DPF3: variants seen among roughly 807,000 people sequenced by gnomAD.
DPF3 encodes the protein double PHD fingers 3.
A neutral mutation model predicts 56.8 loss-of-function variants in DPF3; 18 were observed. That is an observed-to-expected ratio of 0.32 (90% confidence interval 0.22 to 0.47). DPF3 has a LOEUF of 0.47. Ranked by LOEUF, DPF3 falls within the 20% of genes least tolerant of loss-of-function variation. The pLI, the probability that DPF3 is intolerant of heterozygous loss-of-function variation, is 1.00. For missense variants in DPF3, 403 were observed against 488.8 expected, an observed-to-expected ratio of 0.82 and a Z score of 1.65; for synonymous variants, 188 against 180.2, an observed-to-expected ratio of 1.04 and a Z score of -0.35.
At chr14:72,792,307 G>A (rs773152934) in intron 1 of DPF3, among the ~76,000 whole-genome samples, 8 of 152,190 alleles carry the variant, frequency 5.3e-5, no homozygotes, top group Admixed American at 2.6e-4. Flanking sequence ...ACCTGGAGCC[G>A]ACTGTGCTTC....
chr14:72,830,087 G>A (rs138178668), intron 1 of DPF3, among the ~76,000 whole-genome samples: 13 of 152,290 alleles, frequency 8.5e-5, no homozygotes, highest in African/African-American at 2.2e-4. Context: ...AAATTGGAGC[G>A]TTCAATGTGG....
intron 1 of DPF3, among the ~76,000 whole-genome samples, chr14:72,800,652 G>A (rs761646163): frequency 6.6e-6 from 1 of 151,908 alleles, no homozygotes; most frequent in Non-Finnish European, 1.5e-5. Context: ...ATGGATGCAT[G>A]GATGGATGCA....
intron 1 of DPF3, among the ~76,000 whole-genome samples, chr14:72,873,596 T>A (rs1885989279): frequency 6.6e-6 from 1 of 152,226 alleles, no homozygotes; most frequent in African/African-American, 2.4e-5. Flanking sequence ...GGGTTATAAA[T>A]CATGCTGCTA....
At chr14:72,670,556 C>A (rs1322506472) in intron 8 of DPF3, 3 of 987,164 alleles carry the variant, frequency 3.0e-6, no homozygotes, top group East Asian at 2.3e-4. Context: ...AATAGTGCAA[C>A]CGTCTCCCAT....
At chr14:72,679,952 A>G (rs1887086372) in intron 7 of DPF3, among the ~76,000 whole-genome samples, 1 of 152,206 alleles carries the variant, frequency 6.6e-6, no homozygotes, top group African/African-American at 2.4e-5. Flanking sequence ...CTGCAGAATC[A>G]GGAGCAAGCC....
chr14:72,818,582 C>T (rs949221792), intron 1 of DPF3, among the ~76,000 whole-genome samples: 2 of 152,088 alleles, frequency 1.3e-5, no homozygotes, highest in African/African-American at 4.8e-5. Context: ...CAGGCTGAGG[C>T]GAGAGGACTG....
intron 8 of DPF3, among the ~76,000 whole-genome samples, chr14:72,653,510 A>G (rs548410373): frequency 1.3e-5 from 2 of 152,364 alleles, no homozygotes; most frequent in South Asian, 4.1e-4. Flanking sequence ...TCCTCCAAGA[A>G]GTAAATCAGC....
chr14:72,832,441 G>A (rs933717008), intron 1 of DPF3, among the ~76,000 whole-genome samples: 6 of 152,010 alleles, frequency 3.9e-5, no homozygotes, highest in East Asian at 1.9e-4. Flanking sequence ...GTAAGAGATC[G>A]CCAGTATTCA....
intron 9 of DPF3, among the ~76,000 whole-genome samples, chr14:72,627,715 A>G (rs1182275786): frequency 6.6e-6 from 1 of 152,150 alleles, no homozygotes; most frequent in Non-Finnish European, 1.5e-5. Context: ...ATTGGACCTG[A>G]GATAAATTTA....
chr14:72,800,672 G>A lies in DPF3; in HGVS notation c.33-28779C>T, dbSNP rs550684006. Among the ~76,000 whole-genome samples the A allele has an allele frequency of 5.3e-5, 8 of 152,058 alleles. No homozygotes were observed. In the East Asian group the frequency reaches 1.2e-3, roughly 22 times the overall value. On this transcript the variant is annotated intron_variant, in intron 1 of 10. Coordinates refer to ENST00000556509, the MANE Select transcript of DPF3 (RefSeq NM_001280542.3). Reference sequence around the variant, plus strand: ...TGCATGGATGGATGCATGGATGAACGGATGCATGGATGGATGCATGAATGG... The same window carrying A: ...TGCATGGATGGATGCATGGATGAACAGATGCATGGATGGATGCATGAATGG...
At chr14:72,789,945 C>T (rs1236847411) in intron 1 of DPF3, among the ~76,000 whole-genome samples, 1 of 152,090 alleles carries the variant, frequency 6.6e-6, no homozygotes, top group Admixed American at 6.5e-5. Flanking sequence ...TGGCACGATG[C>T]CAACTATCAA....
intron 8 of DPF3, among the ~76,000 whole-genome samples, chr14:72,652,279 C>A (rs1201881742): frequency 2.0e-5 from 3 of 152,182 alleles, no homozygotes; most frequent in African/African-American, 7.2e-5. Flanking sequence ...CACAAAGCTT[C>A]CCAGGCTTGG....
At chr14:72,837,217 G>C (rs530902293) in intron 1 of DPF3, among the ~76,000 whole-genome samples, 1 of 152,198 alleles carries the variant, frequency 6.6e-6, no homozygotes, top group East Asian at 1.9e-4. Flanking sequence ...ATGAGGGTGG[G>C]GGAAAGGTTT....
chr14:72,674,298 C>T lies in DPF3; in HGVS notation c.813G>A (p.Met271Ile). 1.2e-6 allele frequency: 2 copies of T among 1,612,428 alleles called. No homozygotes were observed. Among genetic ancestry groups the T allele is most frequent in the South Asian group, 1.1e-5 (1 of 90,646 alleles). The change falls in exon 8 of 11, where the codon ATG becomes ATA. Residue 271 changes from methionine (M) to isoleucine (I), a missense_variant. Transcript: ENST00000556509. ...CTTCAGGCCGCCCACTCTTCTTGTT[C>T]ATGTTGGAGCCCCCCAAGCAGAAGT... is the stretch of plus-strand genomic sequence containing the variant. The part of the protein sequence containing the change: ...YCDFCLGGSN[M>I]NKKSGRPEEL...
At chr14:72,724,455 G>T (rs561253935) in intron 4 of DPF3, among the ~76,000 whole-genome samples, 2 of 152,108 alleles carry the variant, frequency 1.3e-5, no homozygotes, top group South Asian at 4.2e-4. Context: ...CAGGTTCATC[G>T]GCTCAGGGTT....
At chr14:72,804,748 A>G (rs1893023634) in intron 1 of DPF3, among the ~76,000 whole-genome samples, 2 of 152,152 alleles carry the variant, frequency 1.3e-5, no homozygotes, top group Non-Finnish European at 2.9e-5. Flanking sequence ...GAGTGAAATC[A>G]TTTCATTAAT....
At chr14:72,878,220 C>G (rs186901185) in intron 1 of DPF3, among the ~76,000 whole-genome samples, 2 of 152,096 alleles carry the variant, frequency 1.3e-5, no homozygotes, top group African/African-American at 4.8e-5. Flanking sequence ...TTCCAAAAAG[C>G]CCCCAACACA....
At chr14:72,876,542 A>T (rs1886123716) in intron 1 of DPF3, among the ~76,000 whole-genome samples, 1 of 151,870 alleles carries the variant, frequency 6.6e-6, no homozygotes, top group African/African-American at 2.4e-5. Flanking sequence ...GACACCCCCC[A>T]CCTACTCCCA....
At chr14:72,881,791 G>A (rs1173066181) in intron 1 of DPF3, among the ~76,000 whole-genome samples, 2 of 152,186 alleles carry the variant, frequency 1.3e-5, no homozygotes, top group African/African-American at 4.8e-5. Flanking sequence ...GGCTTCAGGA[G>A]GGGGTGGGCC....
Sources: gnomAD v4.1 joint callset for allele counts (sites outside exome capture counted in the v4.1 genomes callset) on GRCh38, gnomAD v4.1.1 for gene constraint, MANE v1.5 for transcripts, NCBI Gene and HGNC (gene_info 2026-07-23, HGNC 2026-07-21) for gene names.